Variants in MEI4 observed in about 807,000 individuals in gnomAD.
MEI4 encodes meiotic double-stranded break formation protein 4, also known as meiosis-specific protein MEI4.
A neutral mutation model predicts 31.4 loss-of-function variants in MEI4; 27 were observed. That is an observed-to-expected ratio of 0.86 (90% confidence interval 0.63 to 1.19). The LOEUF is 1.19. MEI4 is among the 50% of genes most tolerant of loss of function. The pLI, the probability that MEI4 is intolerant of heterozygous loss-of-function variation, is 0.00. For missense variants in MEI4, 329 were observed against 398.9 expected, an observed-to-expected ratio of 0.82 and a Z score of 1.49; for synonymous variants, 122 against 145.4, an observed-to-expected ratio of 0.84 and a Z score of 1.16.
chr6:77,713,479 C>A (rs1766512218), intron 2 of MEI4, among the ~76,000 whole-genome samples: 1 of 152,114 alleles, frequency 6.6e-6, no homozygotes, highest in South Asian at 2.1e-4. Flanking sequence ...AAGGGTAGGG[C>A]AAATATTTAA....
At chr6:77,912,902 G>C (rs1206903869) in intron 4 of MEI4, among the ~76,000 whole-genome samples, 1 of 152,282 alleles carries the variant, frequency 6.6e-6, no homozygotes, top group East Asian at 1.9e-4. Context: ...AAGAGGAAAA[G>C]CTTTCAGAAT....
In MEI4 at chr6:77,919,898, G is replaced by T. The variant is rs981053102; in HGVS notation, c.901-3191G>T. ...CTACGCAAATAAACTAGAAAATCTAGAAGAAATGGATAAATTCCTCGACAC... is the reference window on the plus strand; with the variant it reads ...CTACGCAAATAAACTAGAAAATCTATAAGAAATGGATAAATTCCTCGACAC... On this transcript the variant is annotated intron_variant, in intron 4 of 4. Coordinates refer to ENST00000684080, the MANE Select transcript of MEI4 (RefSeq NM_001322247.2). Among the ~76,000 whole-genome samples, 84 of 149,668 alleles carry T rather than the reference G, an allele frequency of 5.6e-4. 2 individuals carry two copies. Among genetic ancestry groups the T allele is most frequent in the African/African-American group, 1.5e-3 (61 of 40,820 alleles).
At chr6:77,754,202 G>C (rs975986220) in intron 2 of MEI4, among the ~76,000 whole-genome samples, 1 of 152,054 alleles carries the variant, frequency 6.6e-6, no homozygotes, top group African/African-American at 2.4e-5. Flanking sequence ...GAATACCTAT[G>C]TAACAAACCT....
chr6:77,696,893 C>T (rs1766063609), intron 2 of MEI4, among the ~76,000 whole-genome samples: 1 of 152,180 alleles, frequency 6.6e-6, no homozygotes, highest in Admixed American at 6.5e-5. Flanking sequence ...TCCATCTGGT[C>T]CTGGACCTCT....
intron 3 of MEI4, among the ~76,000 whole-genome samples, chr6:77,803,531 G>A (rs1039683876): frequency 6.6e-6 from 1 of 152,188 alleles, no homozygotes; most frequent in Non-Finnish European, 1.5e-5. Context: ...TCGTTCCTTT[G>A]GTGGAGAAGA....
Position 77,761,319 on chromosome 6 carries a change from C to G in MEI4, c.422C>G (p.Ala141Gly). 1 of 1,232,616 alleles carries G rather than the reference C, an allele frequency of 8.1e-7. No individual in the cohort carries two copies. The highest frequency in any genetic ancestry group is 1.0e-6 in the Non-Finnish European group (1 of 988,064). 76.4% of individuals were successfully genotyped at this position (1,232,616 alleles called of 1,614,324 possible). ...PPLPLVKRPC[A>G]ILQNPLSSHM... is the part of the protein sequence containing the mutation. ...CTGCCTCTTGTGAAAAGACCTTGTG[C>G]TATCCTGCAAAATCCTTTGTCTTCT... The change falls in exon 3 of 5, where the codon GCT becomes GGT. Residue 141 changes from alanine to glycine, a missense_variant. Physicochemically the swap from Ala to Gly is moderately conservative, Grantham distance 60 (BLOSUM62 0). Transcript: ENST00000684080.
intron 4 of MEI4, among the ~76,000 whole-genome samples, chr6:77,880,960 C>T (rs1485634718): frequency 6.6e-6 from 1 of 151,678 alleles, no homozygotes; most frequent in South Asian, 2.1e-4. Flanking sequence ...AATTAAAAAT[C>T]AGCCTGCAAT....
chr6:77,700,951 A>G (rs962487765), intron 2 of MEI4, among the ~76,000 whole-genome samples: 5 of 152,132 alleles, frequency 3.3e-5, no homozygotes, highest in Non-Finnish European at 7.3e-5. Flanking sequence ...AATGAAAAAC[A>G]AAAGGAAAGT....
At chr6:77,683,437 A>G (rs1768994195) in intron 1 of MEI4, among the ~76,000 whole-genome samples, 1 of 152,178 alleles carries the variant, frequency 6.6e-6, no homozygotes, top group Admixed American at 6.5e-5. Context: ...ATATTCTTTC[A>G]GGAATTTTCA....
chr6:77,744,648 A>G (rs1395238814), intron 2 of MEI4, among the ~76,000 whole-genome samples: 1 of 152,138 alleles, frequency 6.6e-6, no homozygotes, highest in Non-Finnish European at 1.5e-5. Context: ...GAGAAGAGCA[A>G]CTCCAAGACA....
chr6:77,872,507 C>T (rs975980838), intron 4 of MEI4, among the ~76,000 whole-genome samples: 9 of 152,018 alleles, frequency 5.9e-5, no homozygotes, highest in East Asian at 1.9e-4. Flanking sequence ...GAAATGTTTA[C>T]GAAAGGTGGC....
At chr6:77,812,353 A>G (rs1188134442) in intron 3 of MEI4, among the ~76,000 whole-genome samples, 1 of 152,168 alleles carries the variant, frequency 6.6e-6, no homozygotes, top group Non-Finnish European at 1.5e-5. Flanking sequence ...AAATATGCAA[A>G]ATTCTAAATA....
At chr6:77,784,149 TTC>T (rs1288358075) in intron 3 of MEI4, among the ~76,000 whole-genome samples, 1 of 152,108 alleles carries the variant, frequency 6.6e-6, no homozygotes, top group Non-Finnish European at 1.5e-5. Flanking sequence ...GTTTCTAAGT[TTC>T]ACAGGCAATT....
rs545815055 is a variant in MEI4, at chr6:77,874,456, A to G, written c.900+45394A>G. Among the ~76,000 whole-genome samples the G allele has an allele frequency of 1.4e-3, 214 of 152,262 alleles. 1 individual carries two copies. Among genetic ancestry groups the G allele is most frequent in the African/African-American group, 4.5e-3 (188 of 41,538 alleles). On this transcript the variant is annotated intron_variant, in intron 4 of 4. Transcript: ENST00000684080. ...CTTGTGATTTTTGCACATTGATTTTATATCTTGAGACTTTGCTGAAGTTGC... is the reference window on the plus strand; with the variant it reads ...CTTGTGATTTTTGCACATTGATTTTGTATCTTGAGACTTTGCTGAAGTTGC...
At chr6:77,760,626 G>A (rs1554162093) in intron 2 of MEI4, among the ~76,000 whole-genome samples, 1 of 151,980 alleles carries the variant, frequency 6.6e-6, no homozygotes, top group East Asian at 1.9e-4. Context: ...TTTGCCTTCT[G>A]TCTTCTCCTG....
At position 77,671,741 on chromosome 6, in the gene MEI4, G is replaced by T. The variant is rs572692414; in HGVS notation, c.-15+18649G>T. Among the ~76,000 whole-genome samples the T allele has an allele frequency of 3.5e-4, 54 of 152,238 alleles. 1 individual carries two copies. The South Asian group carries it at 0.011, about 30-fold the overall frequency. The stretch of plus-strand genomic sequence containing the variant: ...AGTTGACTGTTCCCATGTTATTATG[G>T]TTTTGGGAGCTGGTAGATGAAGGGG... On this transcript the variant is annotated intron_variant, in intron 1 of 4. Coordinates refer to ENST00000684080, the MANE Select transcript of MEI4 (RefSeq NM_001322247.2).
chr6:77,889,079 T>C (rs908632703), intron 4 of MEI4, among the ~76,000 whole-genome samples: 1 of 152,174 alleles, frequency 6.6e-6, no homozygotes, highest in African/African-American at 2.4e-5. Context: ...TCTCAGGTAT[T>C]TCTTCATAGC....
intron 3 of MEI4, among the ~76,000 whole-genome samples, chr6:77,806,253 G>A (rs1241197527): frequency 6.6e-6 from 1 of 152,068 alleles, no homozygotes; most frequent in East Asian, 1.9e-4. Flanking sequence ...AATCAGTGTT[G>A]TTCAGTTATC....
Position 77,809,839 on chromosome 6 carries a change from GA to G in MEI4, c.769-19083del, listed in dbSNP as rs377072148. Among the ~76,000 whole-genome samples the G allele has an allele frequency of 1.1e-4, 16 of 150,748 alleles. 2 individuals are homozygous for G. The highest frequency in any genetic ancestry group is 6.6e-4 in the Admixed American group (10 of 15,114). ...AGAATATCTGAGACATGCTTATATT[GA>G]AAAAAAAATCATTGTTTATTTGAAA... is the stretch of plus-strand genomic sequence containing the variant. On this transcript the variant is annotated intron_variant, in intron 3 of 4. Transcript: ENST00000684080.
Sources: allele counts gnomAD v4.1 joint callset (sites outside exome capture counted in the v4.1 genomes callset), GRCh38; gene constraint gnomAD v4.1.1; transcripts MANE v1.5; gene names NCBI Gene and HGNC (gene_info 2026-07-23, HGNC 2026-07-21).